The following HCN4 variants were observed in gnomAD, a reference collection of about 807,000 sequenced individuals.
The protein encoded by HCN4 is hyperpolarization activated cyclic nucleotide gated potassium channel 4.
HCN4 carries 29 observed loss-of-function variants against 76.9 expected under a neutral mutation model. That is an observed-to-expected ratio of 0.38 (90% confidence interval 0.28 to 0.51). HCN4 has a LOEUF of 0.51. HCN4 is among the 20% of genes least tolerant of loss of function. The pLI, the probability that HCN4 is intolerant of heterozygous loss-of-function variation, is 0.90. For synonymous variants in HCN4, 772 were observed against 762.5 expected, an observed-to-expected ratio of 1.01 and a Z score of -0.21; for missense variants, 1,416 against 1,715.2, an observed-to-expected ratio of 0.83 and a Z score of 3.08.
Position 73,323,168 on chromosome 15 carries a change from C to A in HCN4, c.2925G>T (p.Leu975=). ...GGGACAACTCCCCGGGAGGCTGGCC[C>A]AGCTGCCCGGGGCTAGATGACGGGG... is the stretch of plus-strand genomic sequence containing the variant. ...SRSPSSSPGQ[L]GQPPGELSLG... is the part of the protein sequence containing the mutation. The change falls in exon 8 of 8, where the codon CTG becomes CTT. Residue 975 remains leucine, a synonymous_variant. Transcript: ENST00000261917. 6.4e-7 allele frequency: 1 copy of A among 1,562,808 alleles called. No homozygotes were observed.
intron 1 of HCN4, among the ~76,000 whole-genome samples, chr15:73,348,463 G>A (rs775702764): frequency 5.3e-5 from 8 of 152,150 alleles, no homozygotes; most frequent in Middle Eastern, 3.2e-3. Context: ...TTGTAAACAC[G>A]CTCTTGCCTT....
chr15:73,346,445 G>A (rs2043030225), intron 1 of HCN4, among the ~76,000 whole-genome samples: 1 of 152,126 alleles, frequency 6.6e-6, no homozygotes, highest in Non-Finnish European at 1.5e-5. Flanking sequence ...AAATTTGCAG[G>A]AAAGAGGTAA....
chr15:73,327,742 C>T (rs1374867196), intron 4 of HCN4, among the ~76,000 whole-genome samples: 3 of 152,146 alleles, frequency 2.0e-5, no homozygotes, highest in Non-Finnish European at 2.9e-5. Flanking sequence ...TCTCTGCCAC[C>T]ACCCCTATGC....
chr15:73,347,553 C>T (rs1437351150), intron 1 of HCN4, among the ~76,000 whole-genome samples: 1 of 152,188 alleles, frequency 6.6e-6, no homozygotes, highest in Non-Finnish European at 1.5e-5. Context: ...CATCAGCAAT[C>T]ACTCGGTCAC....
At chr15:73,360,292 G>A (rs1427745818) in intron 1 of HCN4, among the ~76,000 whole-genome samples, 2 of 152,174 alleles carry the variant, frequency 1.3e-5, no homozygotes, top group Non-Finnish European at 2.9e-5. Context: ...CAGACAAGAC[G>A]TTACACAACC....
Position 73,352,170 on chromosome 15 carries a change from T to C in HCN4, c.786-8362A>G, listed in dbSNP as rs75519358. On this transcript the variant is annotated intron_variant, in intron 1 of 7. Transcript: ENST00000261917. ...GCAGTACCTTTTATACGGTAGGTCCTCATAAATACGTGAATGGGTGGAAAC... is the reference window on the plus strand; with the variant it reads ...GCAGTACCTTTTATACGGTAGGTCCCCATAAATACGTGAATGGGTGGAAAC... Among the ~76,000 whole-genome samples the C allele has an allele frequency of 3.2e-3, 481 of 152,342 alleles. 2 individuals are homozygous for C. The highest frequency in any genetic ancestry group is 0.011 in the African/African-American group (469 of 41,574).
At position 73,322,695 on chromosome 15, in the gene HCN4, C is replaced by T. The variant is rs2042868125; in HGVS notation, c.3398G>A (p.Gly1133Glu). 1 of 1,579,288 alleles carries T rather than the reference C, an allele frequency of 6.3e-7. No homozygotes were observed. Among genetic ancestry groups the T allele is most frequent in the South Asian group, 1.2e-5 (1 of 86,816 alleles). ...GGGCCTCCCAGGGGGACCGAGGCCC[C>T]CGCTGCTCCCACTGCCCCCGCTGCC... The part of the protein sequence containing the change: ...GGGSGGSGSS[G>E]GLGPPGRPYG... The change falls in exon 8 of 8, where the codon GGG (glycine) becomes GAG (glutamate). Residue 1133 changes from glycine to glutamate, a missense_variant. Around this residue, in one of 6 missense-constraint regions of HCN4, gnomAD observed 633 missense variants for 579.8 expected, o/e 1.09. Transcript: ENST00000261917.
intron 1 of HCN4, among the ~76,000 whole-genome samples, chr15:73,351,132 T>A (rs2043053586): frequency 1.3e-5 from 2 of 152,184 alleles, no homozygotes; most frequent in South Asian, 4.1e-4. Flanking sequence ...GACAGTCTCC[T>A]CCTTGGCTTC....
In HCN4 at chr15:73,328,325, T is replaced by TA. The variant is rs1294108570; in HGVS notation, c.1590+1247dup. 6.6e-6 allele frequency among the ~76,000 whole-genome samples: 1 copy of TA among 151,574 alleles called. No homozygotes were observed. Among genetic ancestry groups the TA allele is most frequent in the African/African-American group, 2.4e-5 (1 of 41,208 alleles). On this transcript the variant is annotated intron_variant, in intron 4 of 7. Transcript: ENST00000261917. This position sits in a 1 kb window ranked among gnomAD's most constrained non-coding sequence, Gnocchi z 4.0. ...GGAGAGAAGTCTGGCCAGGCTGAAA[T>TA]AAAGGGTGCAAGGCCCAGGGCAGGA...
In HCN4 at chr15:73,359,306, G is replaced by C. The variant is rs375776468; in HGVS notation, c.785+8180C>G. On this transcript the variant is annotated intron_variant, in intron 1 of 7. Transcript: ENST00000261917. Reference sequence around the variant, plus strand: ...GCACCTGAGCTTGCTGCCTGGCTGAGAACACCAAACACCAGCCCCAAACGA... The same window carrying C: ...GCACCTGAGCTTGCTGCCTGGCTGACAACACCAAACACCAGCCCCAAACGA... Among the ~76,000 whole-genome samples, 18 of 152,326 alleles carry C rather than the reference G, an allele frequency of 1.2e-4. 1 individual carries two copies. The East Asian group carries it at 2.5e-3, about 21-fold the overall frequency.
In HCN4 at chr15:73,325,364, G is replaced by A. The variant is rs763114464; in HGVS notation, c.1671C>T (p.His557=). The part of the protein sequence containing the change: ...TRQRIHDYYE[H]RYQGKMFDEE... ...CGTCGAACATCTTGCCCTGGTAGCG[G>A]TGCTCGTAGTAGTCGTGGATGCGCT... Residue 557 remains histidine, a synonymous_variant, in exon 5 of 8, where the codon CAC becomes CAT. Transcript: ENST00000261917. This position sits in a 1 kb window ranked among gnomAD's most constrained non-coding sequence, Gnocchi z 7.4. 5 of 1,614,060 alleles carry A rather than the reference G, an allele frequency of 3.1e-6. No homozygotes were observed. The highest frequency in any genetic ancestry group is 1.3e-5 in the African/African-American group (1 of 74,932).
chr15:73,337,415 A>G lies in HCN4; in HGVS notation c.1210-5123T>C, dbSNP rs74460162. 2.7e-3 allele frequency among the ~76,000 whole-genome samples: 410 copies of G among 152,348 alleles called. 1 individual carries two copies. Among genetic ancestry groups the G allele is most frequent in the Non-Finnish European group, 4.6e-3 (310 of 68,034 alleles). On this transcript the variant is annotated intron_variant, in intron 2 of 7. Coordinates refer to ENST00000261917, the MANE Select transcript of HCN4 (RefSeq NM_005477.3). ...ATGAGTGGGTACCATATGGGAGCTC[A>G]AGGAAGCCTCCGGGCATGGCTAGAA...
In HCN4 at chr15:73,368,354, C is replaced by A; in HGVS notation, c.-84G>T. 5 of 1,018,116 alleles carry A rather than the reference C, an allele frequency of 4.9e-6. No individual in the cohort carries two copies. The highest frequency in any genetic ancestry group is 2.6e-5 in the South Asian group (1 of 37,868). 63.1% of individuals were successfully genotyped at this position (1,018,116 alleles called of 1,614,324 possible). The stretch of plus-strand genomic sequence containing the variant: ...CTCCAGGTCCGCCCGCCGGTCAGTC[C>A]GCCCGTGGGGACGCGTCCTTTGCCG... On this transcript the variant is annotated 5_prime_UTR_variant, in exon 1 of 8. Transcript: ENST00000261917. The surrounding 1 kb of genome is among the most constrained non-coding windows in gnomAD (Gnocchi z 6.9).
chr15:73,326,141 C>T (rs143625040), intron 4 of HCN4, among the ~76,000 whole-genome samples: 281 of 152,098 alleles, frequency 1.8e-3, no homozygotes, highest in African/African-American at 6.2e-3. Flanking sequence ...GACATTGCTC[C>T]CACCATCCTA....
Position 73,325,222 on chromosome 15 carries a change from G to A in HCN4, c.1738-27C>T, listed in dbSNP as rs375509966. On this transcript the variant is annotated intron_variant, in intron 5 of 7. Transcript: ENST00000261917. This position sits in a 1 kb window ranked among gnomAD's most constrained non-coding sequence, Gnocchi z 7.4. ...TGCCGGACAGGGTGGATTGGGACAC[G>A]GGAAGGAGGTGGTGAGGGGAGCTGG... is the stretch of plus-strand genomic sequence containing the variant. 5.6e-6 allele frequency: 9 copies of A among 1,614,106 alleles called. No individual in the cohort carries two copies. Among genetic ancestry groups the A allele is most frequent in the East Asian group, 2.2e-5 (1 of 44,866 alleles).
At chr15:73,334,589 GA>G in intron 2 of HCN4, among the ~76,000 whole-genome samples, 1 of 152,032 alleles carries the variant, frequency 6.6e-6, no homozygotes, top group African/African-American at 2.4e-5. Flanking sequence ...CCTGGTGTCT[GA>G]GCTAAGACAC....
intron 7 of HCN4, 60 bp downstream of exon 7, chr15:73,324,029 A>T (rs1418027234): frequency 6.2e-7 from 1 of 1,610,126 alleles, no homozygotes; most frequent in Non-Finnish European, 8.5e-7. Flanking sequence ...GGCATAAAGG[A>T]GCCCTGCCCT....
chr15:73,331,339 A>G (rs1405158056), intron 3 of HCN4, among the ~76,000 whole-genome samples: 1 of 152,146 alleles, frequency 6.6e-6, no homozygotes, highest in Non-Finnish European at 1.5e-5. Flanking sequence ...TCGGATCAGG[A>G]TATGTTGGCG....
At position 73,343,470 on chromosome 15, in the gene HCN4, C is replaced by T. The variant is rs1238684043; in HGVS notation, c.1124G>A (p.Arg375His). 3 of 1,614,162 alleles carry T rather than the reference C, an allele frequency of 1.9e-6. No homozygotes were observed. Among genetic ancestry groups the T allele is most frequent in the Non-Finnish European group, 8.5e-7 (1 of 1,180,022 alleles). The change falls in exon 2 of 8, where the codon CGC becomes CAC. Residue 375 changes from arginine to histidine, a missense_variant. By Grantham distance (29) the Arg-to-His change is conservative. Coordinates refer to ENST00000261917, the MANE Select transcript of HCN4 (RefSeq NM_005477.3). This position sits in a 1 kb window ranked among gnomAD's most constrained non-coding sequence, Gnocchi z 5.7. ...GAGGATCTTCGTGAAGCGGACAATG[C>T]GCAGGGCCCGGGCAGTCTTGTAGAC... ...SEVYKTARAL[R>H]IVRFTKILSL...
Sources: allele counts gnomAD v4.1 joint callset (sites outside exome capture counted in the v4.1 genomes callset), GRCh38; gene constraint gnomAD v4.1.1; regional missense constraint gnomAD v4.1.1; non-coding constraint Gnocchi (gnomAD v3.1); transcripts MANE v1.5; gene names NCBI Gene and HGNC (gene_info 2026-07-23, HGNC 2026-07-21).